GCN1: variants seen among roughly 807,000 people sequenced by gnomAD.
GCN1 encodes GCN1 activator of EIF2AK4, also known as stalled ribosome sensor GCN1.
Under a neutral mutation model 288.4 loss-of-function variants are expected in GCN1, and 90 were observed. That is an observed-to-expected ratio of 0.31 (90% CI 0.26 to 0.37). The LOEUF is 0.37. Among genes scored for constraint, GCN1 ranks in the 10% least tolerant of loss-of-function variants. The pLI is 1.00. For synonymous variants in GCN1, 1,386 were observed against 1,420.2 expected (o/e 0.98, Z 0.54); for missense variants, 2,586 against 3,419.9 (o/e 0.76, Z 6.08).
intron 12 of GCN1, among the ~76,000 whole-genome samples, 175 bp downstream of exon 12, chr12:120,174,987 C>T (rs1047380072): frequency 3.4e-5 from 5 of 148,060 alleles, no homozygotes; most frequent in African/African-American, 1.3e-4. Flanking sequence ...AATTAGCAGG[C>T]GTGGTGGTGT....
At chr12:120,190,242 A>AT in intron 2 of GCN1, 56 bp downstream of exon 2, 2 of 901,034 alleles carry the variant, frequency 2.2e-6, no homozygotes, top group Non-Finnish European at 3.5e-6. Flanking sequence ...AAAAAAAAAA[A>AT]GAAAGAAAGA....
intron 11 of GCN1, 78 bp from the exon 12 acceptor site, chr12:120,175,290 T>A: frequency 7.9e-7 from 1 of 1,263,234 alleles, no homozygotes; most frequent in Non-Finnish European, 1.2e-6. Flanking sequence ...GTCACGTGTG[T>A]GATGCCACGA....
chr12:120,141,090 C>A, intron 44 of GCN1, 67 bp from the exon 45 acceptor site: 1 of 1,370,850 alleles, frequency 7.3e-7, no homozygotes, highest in Admixed American at 2.0e-5. Flanking sequence ...AGGAGGACTC[C>A]AGAATGAGGG....
At position 120,153,557 on chromosome 12, in the gene GCN1, A is replaced by G. The variant is rs1877639225; in HGVS notation, c.3868-150T>C. ...GTGGCTCTTCCAGTTTTCTGGCAGG[A>G]CTGCCACAGACTTAAAAGAATTTAA... On this transcript the variant is annotated intron_variant, in intron 32 of 57. Transcript: ENST00000300648. The surrounding 1 kb of genome is among the most constrained non-coding windows in gnomAD (Gnocchi z 4.4). The G allele has an allele frequency of 6.9e-6, 6 of 872,860 alleles. No individual in the cohort carries two copies. The highest frequency in any genetic ancestry group is 1.1e-5 in the Non-Finnish European group (6 of 570,262). 54.1% of individuals were successfully genotyped at this position (872,860 alleles called of 1,614,324 possible). A position where few individuals can be genotyped will look rare whatever the true frequency, so the allele number is the denominator to read the frequency against.
At chr12:120,172,703 T>C (rs1253511486) in intron 14 of GCN1, among the ~76,000 whole-genome samples, 1 of 152,106 alleles carries the variant, frequency 6.6e-6, no homozygotes, top group African/African-American at 2.4e-5. Context: ...GAGACAAGGT[T>C]ACACCATGTT....
intron 2 of GCN1, among the ~76,000 whole-genome samples, chr12:120,185,692 C>G (rs1878799203): frequency 6.6e-6 from 1 of 152,160 alleles, no homozygotes; most frequent in South Asian, 2.1e-4. Flanking sequence ...CCTCCGCCTC[C>G]CAGGTTCAAG....
Position 120,127,401 on chromosome 12 carries a change from C to A in GCN1, c.*448G>T. ...TGACAGGGGTCAGATCCATTCAGAC[C>A]TCACAATATTGAAAAGCCAAGCCAG... is the stretch of plus-strand genomic sequence containing the variant. On this transcript the variant is annotated 3_prime_UTR_variant, in exon 58 of 58. Coordinates refer to ENST00000300648, the MANE Select transcript of GCN1 (RefSeq NM_006836.2). 1 of 162,974 alleles carries A rather than the reference C, an allele frequency of 6.1e-6. No homozygotes were observed. The highest frequency in any genetic ancestry group is 5.9e-5 in the Admixed American group (1 of 16,826). 10.1% of individuals were successfully genotyped at this position (162,974 alleles called of 1,614,324 possible). A position where few individuals can be genotyped will look rare whatever the true frequency, so the allele number is the denominator to read the frequency against.
At chr12:120,129,732 TCGGGC>T (rs1876752697) in intron 56 of GCN1, among the ~76,000 whole-genome samples, 1 of 152,150 alleles carries the variant, frequency 6.6e-6, no homozygotes, top group Admixed American at 6.5e-5. Flanking sequence ...TCCCAGGGCC[TCGGGC>T]CTCTGCCCTG....
intron 42 of GCN1, among the ~76,000 whole-genome samples, chr12:120,143,892 C>A (rs1877276493): frequency 6.6e-6 from 1 of 152,212 alleles, no homozygotes; most frequent in Non-Finnish European, 1.5e-5. Flanking sequence ...AAGCAAGGGT[C>A]TGGAAAAAGT....
Position 120,132,037 on chromosome 12 carries a change from A to C in GCN1, c.7318-15T>G, listed in dbSNP as rs780839938. The C allele has an allele frequency of 3.1e-5, 48 of 1,541,722 alleles. 1 individual carries two copies. In the South Asian group the frequency reaches 5.2e-4, roughly 17 times the overall value. On this transcript the variant is annotated splice_polypyrimidine_tract_variant and intron_variant, in intron 53 of 57. Coordinates refer to ENST00000300648, the MANE Select transcript of GCN1 (RefSeq NM_006836.2). ...CGAGTGTTGTCCTGACAGGGAAGAG[A>C]AGGGAGTGAGGGGGTGCAGGGAACA...
intron 26 of GCN1, 147 bp from the exon 27 acceptor site, chr12:120,157,139 C>T (rs1296270537): frequency 1.6e-6 from 1 of 607,048 alleles, no homozygotes. Flanking sequence ...AAGTTTACAA[C>T]TAGGTCCACA....
intron 22 of GCN1, among the ~76,000 whole-genome samples, chr12:120,160,555 C>G (rs993234657): frequency 1.1e-4 from 17 of 152,212 alleles, no homozygotes; most frequent in African/African-American, 4.1e-4. Context: ...AAAGGGTATT[C>G]TGACAGCCAA....
chr12:120,187,546 T>C (rs756267353), intron 2 of GCN1, among the ~76,000 whole-genome samples: 34 of 151,838 alleles, frequency 2.2e-4, no homozygotes, highest in Non-Finnish European at 4.4e-4. Context: ...TTAGTAAACA[T>C]AGGAATCACC....
At chr12:120,129,222 A>AGC in intron 57 of GCN1, 54 bp downstream of exon 57, 1 of 1,236,530 alleles carries the variant, frequency 8.1e-7, no homozygotes, top group Non-Finnish European at 1.2e-6. Flanking sequence ...GCTGAAGAAG[A>AGC]GCTGAAAGAC....
Position 120,142,767 on chromosome 12 carries a change from C to A in GCN1, c.5614-45G>T, listed in dbSNP as rs777129189. On this transcript the variant is annotated intron_variant, in intron 43 of 57. Transcript: ENST00000300648. This position sits in a 1 kb window ranked among gnomAD's most constrained non-coding sequence, Gnocchi z 4.9. ...ACAGAGAGTAGTGAAGCCTCTATGGCATGGGCATCAGGGCACACCCTACCA... is the reference window on the plus strand; with the variant it reads ...ACAGAGAGTAGTGAAGCCTCTATGGAATGGGCATCAGGGCACACCCTACCA... The A allele has an allele frequency of 7.5e-6, 12 of 1,602,416 alleles. No homozygotes were observed. The highest frequency in any genetic ancestry group is 1.6e-4 in the Middle Eastern group (1 of 6,064).
In GCN1 at chr12:120,158,060, G is replaced by A; in HGVS notation, c.2906-30C>T. On this transcript the variant is annotated intron_variant, in intron 25 of 57. Transcript: ENST00000300648. This position sits in a 1 kb window ranked among gnomAD's most constrained non-coding sequence, Gnocchi z 4.3. Reference sequence around the variant, plus strand: ...GAGAGCGAGAAGCAGATAAGATTCTGCAGGCAGGGCAGGGACCCGGGCCAC... The same window carrying A: ...GAGAGCGAGAAGCAGATAAGATTCTACAGGCAGGGCAGGGACCCGGGCCAC... The A allele has an allele frequency of 4.4e-6, 7 of 1,605,908 alleles. No individual in the cohort carries two copies. Among genetic ancestry groups the A allele is most frequent in the Non-Finnish European group, 6.0e-6 (7 of 1,174,148 alleles).
At chr12:120,185,678 G>A (rs529039097) in intron 2 of GCN1, among the ~76,000 whole-genome samples, 21 of 152,126 alleles carry the variant, frequency 1.4e-4, no homozygotes, top group Middle Eastern at 3.4e-3. Context: ...TCGGCTCACC[G>A]CAACCTCCGC....
intron 45 of GCN1, among the ~76,000 whole-genome samples, chr12:120,139,349 G>A (rs1382406416): frequency 4.6e-5 from 7 of 152,072 alleles, no homozygotes; most frequent in East Asian, 1.9e-4. Flanking sequence ...GAGAGGGGCC[G>A]CGCACAGTGG....
At chr12:120,192,445 A>C (rs1237877070) in intron 1 of GCN1, among the ~76,000 whole-genome samples, 2 of 152,168 alleles carry the variant, frequency 1.3e-5, no homozygotes, top group African/African-American at 2.4e-5. Flanking sequence ...ACTGAAGACA[A>C]GGCTGGGTGC....
Sources: allele counts gnomAD v4.1 joint callset (sites outside exome capture counted in the v4.1 genomes callset), GRCh38; gene constraint gnomAD v4.1.1; non-coding constraint Gnocchi (gnomAD v3.1); transcripts MANE v1.5; gene names NCBI Gene and HGNC (gene_info 2026-07-23, HGNC 2026-07-21).